PTAR1: variants seen among roughly 807,000 people sequenced by gnomAD.
The protein encoded by PTAR1 is protein prenyltransferase alpha subunit repeat-containing protein 1.
A neutral mutation model predicts 45.5 loss-of-function variants in PTAR1; 17 were observed. The ratio of observed to expected loss-of-function variants is 0.37; its 90% confidence interval spans 0.26 to 0.56. The LOEUF is 0.56. Ranked by LOEUF, PTAR1 falls within the 20% of genes least tolerant of loss-of-function variation. PTAR1 has a pLI of 0.77. For missense variants in PTAR1, 391 were observed against 476.3 expected (o/e 0.82, Z 1.67); for synonymous variants, 169 against 171.3 (o/e 0.99, Z 0.11).
intron 3 of PTAR1, among the ~76,000 whole-genome samples, chr9:69,737,072 A>G (rs1328919922): frequency 6.7e-6 from 1 of 148,934 alleles, no homozygotes; most frequent in African/African-American, 2.4e-5. Flanking sequence ...CAGCAATCAC[A>G]TAATCTAGTG....
At chr9:69,727,422 C>A (rs1001294978) in intron 5 of PTAR1, among the ~76,000 whole-genome samples, 2 of 151,908 alleles carry the variant, frequency 1.3e-5, no homozygotes, top group Admixed American at 1.3e-4. Flanking sequence ...TATCCTTCTG[C>A]GCTTGGCTTA....
chr9:69,731,957 T>C (rs960863275), intron 5 of PTAR1, 182 bp downstream of exon 5: 1 of 596,792 alleles, frequency 1.7e-6, no homozygotes, highest in Non-Finnish European at 3.0e-6. Flanking sequence ...ACAGCACTAG[T>C]GGGGAATGCA....
chr9:69,742,037 A>C (rs924460667), intron 2 of PTAR1, among the ~76,000 whole-genome samples, 179 bp from the exon 3 acceptor site: 1 of 152,140 alleles, frequency 6.6e-6, no homozygotes. Context: ...ATTACTCTCA[A>C]GACCCTCTCC....
intron 1 of PTAR1, 28 bp downstream of exon 1, chr9:69,759,825 T>TCGGAGGCGG: frequency 1.3e-6 from 2 of 1,509,518 alleles, no homozygotes; most frequent in Non-Finnish European, 1.8e-6. Context: ...CCGACGACCC[T>TCGGAGGCGG]CGGAGGCGGC....
At chr9:69,749,225 T>G (rs1388502609) in intron 2 of PTAR1, among the ~76,000 whole-genome samples, 1 of 152,142 alleles carries the variant, frequency 6.6e-6, no homozygotes, top group Non-Finnish European at 1.5e-5. Flanking sequence ...CATACATAAA[T>G]GGGCAACTAT....
chr9:69,752,833 T>C (rs1826591661), intron 1 of PTAR1, among the ~76,000 whole-genome samples: 1 of 152,086 alleles, frequency 6.6e-6, no homozygotes, highest in African/African-American at 2.4e-5. Context: ...CTCTATTTGG[T>C]AGTATCCTGA....
chr9:69,711,887 T>C lies in PTAR1; in HGVS notation c.*6455A>G, dbSNP rs895289818. On this transcript the variant is annotated 3_prime_UTR_variant, in exon 8 of 8. Coordinates refer to ENST00000340434, the MANE Select transcript of PTAR1 (RefSeq NM_001099666.2). ...ACAAATATACTCCTTGGTGAAAAGA[T>C]GTCAACAGTCTCCTTTCTGAAAGCT... is the stretch of plus-strand genomic sequence containing the variant. 8 of 152,164 alleles carry C rather than the reference T, an allele frequency of 5.3e-5. No homozygotes were observed. Among genetic ancestry groups the C allele is most frequent in the Non-Finnish European group, 1.0e-4 (7 of 68,034 alleles). The allele number at this position is 152,164 out of a possible 1,614,324, so 9.4% of individuals were successfully genotyped here. A position where few individuals can be genotyped will look rare whatever the true frequency, so the allele number is the denominator to read the frequency against.
At chr9:69,727,723 A>T (rs1043140898) in intron 5 of PTAR1, among the ~76,000 whole-genome samples, 3 of 152,082 alleles carry the variant, frequency 2.0e-5, no homozygotes, top group African/African-American at 7.2e-5. Flanking sequence ...CACAATTTTA[A>T]TTACTCTGTC....
intron 6 of PTAR1, among the ~76,000 whole-genome samples, chr9:69,720,753 A>G (rs1824959393): frequency 6.6e-6 from 1 of 152,180 alleles, no homozygotes; most frequent in Non-Finnish European, 1.5e-5. Flanking sequence ...TACCATTCCA[A>G]TAATCTTAGG....
rs753041820 is a variant in PTAR1, at chr9:69,711,626, T to C, written c.*6716A>G. 15 of 152,204 alleles carry C rather than the reference T, an allele frequency of 9.9e-5. No homozygotes were observed. The highest frequency in any genetic ancestry group is 2.2e-4 in the Non-Finnish European group (15 of 68,028). The allele number at this position is 152,204 out of a possible 1,614,324, so 9.4% of individuals were successfully genotyped here. A position where few individuals can be genotyped will look rare whatever the true frequency, so the allele number is the denominator to read the frequency against. On this transcript the variant is annotated 3_prime_UTR_variant, in exon 8 of 8. Coordinates refer to ENST00000340434, the MANE Select transcript of PTAR1 (RefSeq NM_001099666.2). ...CTGGATATACCAATACAGAGACTGA[T>C]TGCAGAAGACTACAGCAGTTCTCTC...
chr9:69,724,409 T>A (rs1376804052), intron 5 of PTAR1, among the ~76,000 whole-genome samples: 1 of 152,204 alleles, frequency 6.6e-6, no homozygotes, highest in Non-Finnish European at 1.5e-5. Context: ...CTTGGACAGG[T>A]CGCAAACATA....
At chr9:69,724,606 T>G (rs1266006624) in intron 5 of PTAR1, among the ~76,000 whole-genome samples, 1 of 151,602 alleles carries the variant, frequency 6.6e-6, no homozygotes, top group Non-Finnish European at 1.5e-5. Flanking sequence ...TTTTTTCCAT[T>G]TCTTACACCA....
rs145881384 is a variant in PTAR1 at position 69,730,760 on chromosome 9, G to C, written c.642+1379C>G. On this transcript the variant is annotated intron_variant, in intron 5 of 7. Coordinates refer to ENST00000340434, the MANE Select transcript of PTAR1 (RefSeq NM_001099666.2). The stretch of plus-strand genomic sequence containing the variant: ...GTTTTACTGCGTATACAGGACAGTC[G>C]GTGGGTATGATAGGGTTTTATACTT... Among the ~76,000 whole-genome samples the C allele has an allele frequency of 6.4e-3, 966 of 151,796 alleles. 6 individuals carry two copies. Among genetic ancestry groups the C allele is most frequent in the Non-Finnish European group, 9.9e-3 (674 of 67,956 alleles).
intron 6 of PTAR1, among the ~76,000 whole-genome samples, chr9:69,719,702 G>C (rs563464485): frequency 6.6e-6 from 1 of 152,070 alleles, no homozygotes; most frequent in Non-Finnish European, 1.5e-5. Context: ...ATAAACTGAA[G>C]GTTTGGCAAT....
intron 3 of PTAR1, among the ~76,000 whole-genome samples, chr9:69,738,108 G>C (rs1193887888): frequency 6.6e-6 from 1 of 152,010 alleles, no homozygotes; most frequent in Non-Finnish European, 1.5e-5. Flanking sequence ...GCTCCTCTTG[G>C]CTACTCAAAT....
At chr9:69,721,851 T>C (rs937203003) in intron 6 of PTAR1, among the ~76,000 whole-genome samples, 140 of 152,232 alleles carry the variant, frequency 9.2e-4, no homozygotes, top group African/African-American at 3.2e-3. Context: ...GCACACTTCT[T>C]AGACTATAGT....
At chr9:69,747,629 T>C (rs1020746498) in intron 2 of PTAR1, among the ~76,000 whole-genome samples, 4 of 152,200 alleles carry the variant, frequency 2.6e-5, no homozygotes, top group Admixed American at 1.3e-4. Flanking sequence ...TGTGATAAAC[T>C]GGAACAGACA....
intron 3 of PTAR1, among the ~76,000 whole-genome samples, chr9:69,735,229 T>C (rs1399667702): frequency 6.6e-6 from 1 of 152,202 alleles, no homozygotes; most frequent in African/African-American, 2.4e-5. Flanking sequence ...CAGTTGTCCC[T>C]TGGTATCTTG....
rs60535913 is a variant in PTAR1, at chr9:69,754,722, A to ATT, written c.87-3774_87-3773dup. ...ATGCCCAGCTAATATATATATATATATTTTTTTTTTTTGGTAGAGATGTAG... is the reference window on the plus strand; with the variant it reads ...ATGCCCAGCTAATATATATATATATATTTTTTTTTTTTTTGGTAGAGATGTAG... On this transcript the variant is annotated intron_variant, in intron 1 of 7. Transcript: ENST00000340434. Among the ~76,000 whole-genome samples the ATT allele has an allele frequency of 3.9e-4, 55 of 141,238 alleles. No individual in the cohort carries two copies. In the East Asian group the frequency reaches 4.8e-3, roughly 12 times the overall value. The allele number at this position is 141,238 out of a possible 152,430, so 92.7% of individuals were successfully genotyped here.
Sources: gnomAD v4.1 joint callset for allele counts (sites outside exome capture counted in the v4.1 genomes callset) on GRCh38, gnomAD v4.1.1 for gene constraint, MANE v1.5 for transcripts, NCBI Gene and HGNC (gene_info 2026-07-23, HGNC 2026-07-21) for gene names.